ATP5MJ: variants seen among roughly 807,000 people sequenced by gnomAD.
The protein encoded by ATP5MJ is ATP synthase membrane subunit j.
In ATP5MJ, 4 loss-of-function variants were observed where a neutral mutation model predicts 8.3. The ratio of observed to expected loss-of-function variants is 0.48; its 90% CI spans 0.24 to 1.11. ATP5MJ has a LOEUF of 1.11. Among genes scored for constraint, ATP5MJ ranks in the 50% least tolerant of loss-of-function variants. The probability of loss-of-function intolerance (pLI) is 0.18; values close to 1 mark genes in which losing one functional copy is unlikely to be tolerated. For synonymous variants in ATP5MJ, 23 were observed against 21.3 expected, an observed-to-expected ratio of 1.08 and a Z score of -0.23; for missense variants, 66 against 71.8, an observed-to-expected ratio of 0.92 and a Z score of 0.29.
chr14:103,915,885 C>T (rs2087621828), intron 1 of ATP5MJ, among the ~76,000 whole-genome samples: 1 of 152,164 alleles, frequency 6.6e-6, no homozygotes, highest in African/African-American at 2.4e-5. Flanking sequence ...TTCCTTACAT[C>T]ACAGAGCTCA....
chr14:103,914,398 C>A, intron 2 of ATP5MJ: 1 of 564,902 alleles, frequency 1.8e-6, no homozygotes, highest in Non-Finnish European at 3.2e-6. Context: ...ATACCACATA[C>A]CATGAACCCA....
At chr14:103,914,848 A>AAAAAG in intron 2 of ATP5MJ, 1 of 438,450 alleles carries the variant, frequency 2.3e-6, no homozygotes, top group South Asian at 3.8e-5. Context: ...AAAAAAAAAA[A>AAAAAG]AAAAAAAAAG....
chr14:103,914,941 A>G (rs1595877552), intron 2 of ATP5MJ, 125 bp downstream of exon 2: 1 of 1,233,902 alleles, frequency 8.1e-7, no homozygotes, highest in Non-Finnish European at 1.1e-6. Context: ...TTTACGAAGG[A>G]CTGTAGGTAG....
rs946434223 is a variant in ATP5MJ at position 103,912,353 on chromosome 14, C to G, written c.*313G>C. On this transcript the variant is annotated 3_prime_UTR_variant, in exon 4 of 4. Coordinates refer to ENST00000286953, the MANE Select transcript of ATP5MJ (RefSeq NM_004894.3). ...TAGAATACAAGTGAGTGCCTGGATC[C>G]TGATCACCAAGTCCTGTACAACTGA... 6.0e-6 allele frequency: 2 copies of G among 335,690 alleles called. No individual in the cohort carries two copies. Among genetic ancestry groups the G allele is most frequent in the Non-Finnish European group, 5.4e-6 (1 of 184,240 alleles). 20.8% of individuals were successfully genotyped at this position (335,690 alleles called of 1,614,324 possible).
intron 1 of ATP5MJ, among the ~76,000 whole-genome samples, chr14:103,920,468 C>CTTT (rs57538744): frequency 0.027 from 2,837 of 106,504 alleles, 88 homozygotes; most frequent in African/African-American, 0.072. Flanking sequence ...ACAGCCCCTA[C>CTTT]TTTTTTTTTT....
chr14:103,916,530 C>T (rs772913122), intron 1 of ATP5MJ, among the ~76,000 whole-genome samples: 5 of 151,982 alleles, frequency 3.3e-5, no homozygotes, highest in Non-Finnish European at 4.4e-5. Context: ...TCCAGGAGCT[C>T]GAGACTAATT....
At chr14:103,917,903 T>A (rs1168866060) in intron 1 of ATP5MJ, 1 of 152,242 alleles carries the variant, frequency 6.6e-6, no homozygotes, top group Non-Finnish European at 1.5e-5. Context: ...TACGTCATGC[T>A]CCTGATGACG....
chr14:103,914,588 C>A (rs112997158), intron 2 of ATP5MJ: 4 of 678,746 alleles, frequency 5.9e-6, no homozygotes, highest in East Asian at 5.5e-5. Flanking sequence ...ACTGCTTGAG[C>A]CCAGGAGTTC....
intron 3 of ATP5MJ, 160 bp from the exon 4 acceptor site, chr14:103,912,854 C>T (rs181948254): frequency 2.0e-4 from 143 of 704,150 alleles, no homozygotes; most frequent in Admixed American, 8.1e-4. Flanking sequence ...ATATGAAACA[C>T]CCAGAGTGCT....
chr14:103,917,772 T>C (rs1307432493), intron 1 of ATP5MJ, among the ~76,000 whole-genome samples: 1 of 152,180 alleles, frequency 6.6e-6, no homozygotes, highest in Non-Finnish European at 1.5e-5. Flanking sequence ...AAAAGTGCTT[T>C]TCGTACTTAC....
At chr14:103,921,002 T>A in intron 1 of ATP5MJ, 7 of 1,551,702 alleles carry the variant, frequency 4.5e-6, no homozygotes, top group Non-Finnish European at 5.2e-6. Flanking sequence ...CAGCACCGTA[T>A]GATCTCTTTT....
intron 1 of ATP5MJ, among the ~76,000 whole-genome samples, chr14:103,920,547 C>A (rs1015876537): frequency 3.3e-5 from 5 of 149,292 alleles, no homozygotes; most frequent in Non-Finnish European, 7.4e-5. Context: ...TCTCGGCTCA[C>A]TGCAACCTCC....
intron 2 of ATP5MJ, chr14:103,914,863 G>GAAAAGA (rs2087612570): frequency 5.5e-6 from 2 of 362,028 alleles, no homozygotes; most frequent in Admixed American, 1.2e-4. Flanking sequence ...AAAAAGAAAA[G>GAAAAGA]AAAAGAAAAA....
chr14:103,913,000 G>C (rs2087592787), intron 3 of ATP5MJ: 1 of 348,120 alleles, frequency 2.9e-6, no homozygotes, highest in African/African-American at 2.1e-5. Context: ...CAGTTTCATT[G>C]TCACTCTGGC....
At chr14:103,914,925 G>T in intron 2 of ATP5MJ, 141 bp downstream of exon 2, 1 of 1,043,848 alleles carries the variant, frequency 9.6e-7, no homozygotes, top group Non-Finnish European at 1.4e-6. Context: ...TGTGCTCCCT[G>T]TATTTTTTAC....
intron 1 of ATP5MJ, among the ~76,000 whole-genome samples, chr14:103,915,897 C>T (rs1169023084): frequency 5.3e-5 from 8 of 152,156 alleles, no homozygotes; most frequent in Admixed American, 4.6e-4. Flanking sequence ...CAGAGCTCAT[C>T]CAGCACCTCT....
chr14:103,920,679 T>C (rs190466494), intron 1 of ATP5MJ, among the ~76,000 whole-genome samples: 401 of 149,494 alleles, frequency 2.7e-3, no homozygotes, highest in Non-Finnish European at 4.6e-3. Flanking sequence ...ACCATGTTGG[T>C]AAGGATGGTC....
intron 3 of ATP5MJ, 136 bp downstream of exon 3, chr14:103,913,825 G>T: frequency 1.0e-6 from 1 of 984,034 alleles, no homozygotes; most frequent in Non-Finnish European, 1.5e-6. Context: ...ACTTCAAGCT[G>T]TGAAGCATTT....
At chr14:103,912,718 A>G (rs1338838463) in intron 3 of ATP5MJ, 24 bp from the exon 4 acceptor site, 1 of 1,610,434 alleles carries the variant, frequency 6.2e-7, no homozygotes, top group African/African-American at 1.3e-5. Flanking sequence ...TGCATATATA[A>G]ATATGATTTA....
Sources: gnomAD v4.1 joint callset for allele counts (sites outside exome capture counted in the v4.1 genomes callset) on GRCh38, gnomAD v4.1.1 for gene constraint, MANE v1.5 for transcripts, NCBI Gene and HGNC (gene_info 2026-07-23, HGNC 2026-07-21) for gene names.